Variants in RBFOX2 observed in about 807,000 individuals in gnomAD.
RBFOX2 encodes the protein RNA binding fox-1 homolog 2.
A neutral mutation model predicts 49.1 loss-of-function variants in RBFOX2; 10 were observed. The observed-to-expected ratio is 0.20, with a 90% confidence interval of 0.13 to 0.35. The LOEUF is 0.35. RBFOX2 is among the 10% of genes least tolerant of loss of function. The pLI is 1.00. For missense variants in RBFOX2, 323 were observed against 486.9 expected (o/e 0.66, Z 3.17); for synonymous variants, 183 against 187.4 (o/e 0.98, Z 0.19).
At chr22:36,016,926 C>G (rs1603467714) in intron 1 of RBFOX2, among the ~76,000 whole-genome samples, 1 of 152,224 alleles carries the variant, frequency 6.6e-6, no homozygotes, top group South Asian at 2.1e-4. Flanking sequence ...TCTCTTTATT[C>G]ATTTAGAATA....
intron 1 of RBFOX2, among the ~76,000 whole-genome samples, chr22:36,001,969 C>T (rs1045228357): frequency 3.3e-5 from 5 of 152,070 alleles, no homozygotes; most frequent in African/African-American, 4.8e-5. Context: ...GAGGCTGAGG[C>T]AGGAGAATTG....
intron 1 of RBFOX2, among the ~76,000 whole-genome samples, chr22:35,950,454 A>G (rs753185177): frequency 3.3e-5 from 5 of 152,158 alleles, no homozygotes; most frequent in Non-Finnish European, 7.4e-5. Context: ...GTTTCCCTCC[A>G]TCCTAGCTCC....
chr22:35,906,855 A>C (rs1354635716), intron 1 of RBFOX2, among the ~76,000 whole-genome samples: 1 of 152,148 alleles, frequency 6.6e-6, no homozygotes, highest in Non-Finnish European at 1.5e-5. Flanking sequence ...AAAACTTTCT[A>C]TACCATTTGA....
At chr22:35,886,122 C>T (rs1316711072) in intron 1 of RBFOX2, among the ~76,000 whole-genome samples, 1 of 152,036 alleles carries the variant, frequency 6.6e-6, no homozygotes. Context: ...TCCCAAAGTG[C>T]TGGGATTACA....
At chr22:35,970,652 T>G (rs2056819631) in intron 1 of RBFOX2, among the ~76,000 whole-genome samples, 1 of 151,784 alleles carries the variant, frequency 6.6e-6, no homozygotes, top group African/African-American at 2.4e-5. Context: ...CACAACAGAG[T>G]GAGACCCTAT....
intron 1 of RBFOX2, among the ~76,000 whole-genome samples, chr22:35,821,032 T>C (rs1021907574): frequency 3.3e-5 from 5 of 152,124 alleles, no homozygotes; most frequent in African/African-American, 4.8e-5. Context: ...CAGGGTACTG[T>C]AGGCTAACAA....
intron 9 of RBFOX2, among the ~76,000 whole-genome samples, chr22:35,757,111 TCAC>T (rs1341398409): frequency 3.9e-5 from 6 of 151,934 alleles, no homozygotes; most frequent in Non-Finnish European, 8.8e-5. Context: ...TGACCAAAGA[TCAC>T]CCTGTCTTAT....
chr22:35,963,925 T>C (rs1296330079), upstream of RBFOX2, among the ~76,000 whole-genome samples: 1 of 152,140 alleles, frequency 6.6e-6, no homozygotes, highest in Admixed American at 6.6e-5. Flanking sequence ...TTTGTATTTT[T>C]AGTACAGATG....
chr22:35,943,428 C>T (rs1313796471), upstream of RBFOX2, among the ~76,000 whole-genome samples: 2 of 152,040 alleles, frequency 1.3e-5, no homozygotes, highest in African/African-American at 2.4e-5. Flanking sequence ...ATGAAAGAAA[C>T]GGACTCTGTC....
At chr22:35,878,627 G>T (rs2045470847) in intron 1 of RBFOX2, among the ~76,000 whole-genome samples, 1 of 152,228 alleles carries the variant, frequency 6.6e-6, no homozygotes. Context: ...CTTTTGTAGA[G>T]ATAGGGTACC....
intron 1 of RBFOX2, among the ~76,000 whole-genome samples, chr22:36,004,594 G>T (rs1046268492): frequency 6.6e-6 from 1 of 152,114 alleles, no homozygotes; most frequent in African/African-American, 2.4e-5. Context: ...TCAGGAGTTT[G>T]AGATCAGCCT....
intron 1 of RBFOX2, chr22:35,821,844 G>T (rs1175209008): frequency 1.3e-5 from 7 of 518,816 alleles, no homozygotes; most frequent in Non-Finnish European, 2.3e-5. Flanking sequence ...GGCCGCTGAA[G>T]GAAGGGGTCA....
At chr22:35,791,560 TG>T (rs1008976360) in intron 2 of RBFOX2, among the ~76,000 whole-genome samples, 49 of 152,322 alleles carry the variant, frequency 3.2e-4, no homozygotes, top group Admixed American at 2.5e-3. Context: ...AGAAAGAGAC[TG>T]AAAGTACATT....
At chr22:35,809,444 G>T (rs1951406046) in intron 2 of RBFOX2, among the ~76,000 whole-genome samples, 1 of 152,142 alleles carries the variant, frequency 6.6e-6, no homozygotes, top group Non-Finnish European at 1.5e-5. Context: ...GAGTTTGGTA[G>T]TATAATTATG....
In RBFOX2 at chr22:35,749,506, CTT is replaced by C. The variant is rs763411448; in HGVS notation, c.888-2947_888-2946del. The stretch of plus-strand genomic sequence containing the variant: ...CATGGATGTATTCCTCTCTCTCTCT[CTT>C]ACACACACACACGCACACACACACA... On this transcript the variant is annotated intron_variant, in intron 9 of 11. Coordinates refer to ENST00000405409, the Ensembl canonical transcript of RBFOX2. The surrounding 1 kb of genome is among the most constrained non-coding windows in gnomAD (Gnocchi z 4.1). 1.6e-4 allele frequency among the ~76,000 whole-genome samples: 24 copies of C among 152,144 alleles called. No individual in the cohort carries two copies. The highest frequency in any genetic ancestry group is 2.4e-4 in the Non-Finnish European group (16 of 67,974).
chr22:35,925,503 G>A (rs1214365283), intron 1 of RBFOX2, among the ~76,000 whole-genome samples: 3 of 152,202 alleles, frequency 2.0e-5, no homozygotes, highest in Admixed American at 6.5e-5. Flanking sequence ...GAGGGACAGA[G>A]AGAGATCCTG....
chr22:35,887,656 C>G (rs1045907133), intron 1 of RBFOX2, among the ~76,000 whole-genome samples: 4 of 152,130 alleles, frequency 2.6e-5, no homozygotes, highest in African/African-American at 9.7e-5. Context: ...TCCAGGCAAA[C>G]TGCACCTGTC....
At chr22:36,015,128 T>C (rs2058983763) in intron 1 of RBFOX2, among the ~76,000 whole-genome samples, 1 of 152,226 alleles carries the variant, frequency 6.6e-6, no homozygotes. Context: ...ACAGACCTTT[T>C]GAGTATGACC....
chr22:35,962,801 C>T (rs1211969427), upstream of RBFOX2, among the ~76,000 whole-genome samples: 1 of 151,964 alleles, frequency 6.6e-6, no homozygotes, highest in Non-Finnish European at 1.5e-5. Context: ...GGCTCAGATG[C>T]CCACTTTGCA....
Sources: gnomAD v4.1 joint callset for allele counts (sites outside exome capture counted in the v4.1 genomes callset) on GRCh38, gnomAD v4.1.1 for gene constraint, Gnocchi (gnomAD v3.1) non-coding constraint, MANE v1.5 for transcripts, NCBI Gene and HGNC (gene_info 2026-07-23, HGNC 2026-07-21) for gene names.